The following PITPNC1 variants were observed in gnomAD, a reference collection of about 807,000 sequenced individuals.
PITPNC1 encodes phosphatidylinositol transfer protein cytoplasmic 1.
PITPNC1 carries 18 observed loss-of-function variants against 44.7 expected under a neutral mutation model. The observed-to-expected ratio is 0.40, with a 90% CI of 0.28 to 0.60. The LOEUF is 0.60. PITPNC1 is among the 20% of genes least tolerant of loss of function. The pLI, the probability that PITPNC1 is intolerant of heterozygous loss-of-function variation, is 0.39. For synonymous variants in PITPNC1, 141 were observed against 149.6 expected, an observed-to-expected ratio of 0.94 and a Z score of 0.42; for missense variants, 290 against 418.4, an observed-to-expected ratio of 0.69 and a Z score of 2.68.
intron 6 of PITPNC1, among the ~76,000 whole-genome samples, chr17:67,640,588 G>A (rs2042081918): frequency 1.3e-5 from 2 of 150,638 alleles, no homozygotes; most frequent in East Asian, 2.0e-4. Flanking sequence ...GCTGAGGCAG[G>A]AGAATCACTT....
rs1249032566 is a variant in PITPNC1, at chr17:67,599,042, T to A, written c.366+20785T>A. Among the ~76,000 whole-genome samples the A allele has an allele frequency of 1.2e-3, 87 of 74,668 alleles. 1 individual carries two copies. Among genetic ancestry groups the A allele is most frequent in the African/African-American group, 1.8e-3 (43 of 23,720 alleles). 49.0% of individuals were successfully genotyped at this position (74,668 alleles called of 152,430 possible). A position where few individuals can be genotyped will look rare whatever the true frequency, so the allele number is the denominator to read the frequency against. ...TATATATATATATATATATTTTTTT[T>A]TTTTTTTTTTTTACCATGTTGGCCA... is the stretch of plus-strand genomic sequence containing the variant. On this transcript the variant is annotated intron_variant, in intron 5 of 8. Coordinates refer to ENST00000581322, the MANE Select transcript of PITPNC1 (RefSeq NM_012417.4).
chr17:67,500,162 GTC>G (rs1331713609), intron 1 of PITPNC1, among the ~76,000 whole-genome samples: 1 of 152,128 alleles, frequency 6.6e-6, no homozygotes, highest in African/African-American at 2.4e-5. Context: ...TTGCATTTCT[GTC>G]TCTGTTTCTT....
At chr17:67,608,243 AAAAC>A (rs1305063149) in intron 5 of PITPNC1, among the ~76,000 whole-genome samples, 2 of 145,708 alleles carry the variant, frequency 1.4e-5, no homozygotes, top group Non-Finnish European at 3.0e-5. Context: ...TTAAAAAAAA[AAAAC>A]AAAAAAAAAC....
intron 1 of PITPNC1, among the ~76,000 whole-genome samples, chr17:67,507,459 C>A (rs1214028491): frequency 6.6e-6 from 1 of 151,894 alleles, no homozygotes; most frequent in Non-Finnish European, 1.5e-5. Flanking sequence ...TAGAGGTAGG[C>A]GGATCACTTT....
intron 8 of PITPNC1, among the ~76,000 whole-genome samples, chr17:67,682,522 G>A (rs2042730020): frequency 6.6e-6 from 1 of 152,124 alleles, no homozygotes; most frequent in Non-Finnish European, 1.5e-5. Flanking sequence ...GAGCAAGAAA[G>A]AGAAGAAAAG....
At chr17:67,687,026 A>G (rs777092226) in intron 8 of PITPNC1, 1 of 1,132,032 alleles carries the variant, frequency 8.8e-7, no homozygotes, top group Non-Finnish European at 1.3e-6. Flanking sequence ...GAAAGTTTGC[A>G]TCTAATAACG....
rs1201694518 is a variant in PITPNC1, at chr17:67,433,971, G to A, written c.48+55769G>A. Among the ~76,000 whole-genome samples, 5 of 152,254 alleles carry A rather than the reference G, an allele frequency of 3.3e-5. No individual in the cohort carries two copies. In the East Asian group the frequency reaches 5.8e-4, roughly 18 times the overall value. The stretch of plus-strand genomic sequence containing the variant: ...GCTGGCATAGAGGTACAGGCTGGAT[G>A]GGAGGGTGGTCAGGATGGGGCAAGG... On this transcript the variant is annotated intron_variant, in intron 1 of 8. Transcript: ENST00000581322.
intron 1 of PITPNC1, among the ~76,000 whole-genome samples, chr17:67,523,216 T>C (rs1018217518): frequency 1.3e-5 from 2 of 152,200 alleles, no homozygotes; most frequent in Non-Finnish European, 2.9e-5. Context: ...ATAATACTTA[T>C]GGGAAGTAGT....
intron 1 of PITPNC1, among the ~76,000 whole-genome samples, chr17:67,455,607 T>C (rs542940452): frequency 4.8e-5 from 7 of 145,988 alleles, no homozygotes; most frequent in Non-Finnish European, 1.0e-4. Flanking sequence ...TTTTTTTTGT[T>C]TTTTTTGTAT....
rs892370092 is a variant in PITPNC1, at chr17:67,508,732, A to G, written c.49-24070A>G. Among the ~76,000 whole-genome samples the G allele has an allele frequency of 6.6e-6, 1 of 152,142 alleles. No individual in the cohort carries two copies. The highest frequency in any genetic ancestry group is 2.4e-5 in the African/African-American group (1 of 41,422). The stretch of plus-strand genomic sequence containing the variant: ...GTACCTTCAAGAGGCAAATTCATAG[A>G]GTCAGAAGGTAGAATGGTGGTTGCC... On this transcript the variant is annotated intron_variant, in intron 1 of 8. Transcript: ENST00000581322. This position sits in a 1 kb window ranked among gnomAD's most constrained non-coding sequence, Gnocchi z 4.2.
At chr17:67,435,217 C>T (rs2038921385) in intron 1 of PITPNC1, among the ~76,000 whole-genome samples, 1 of 151,754 alleles carries the variant, frequency 6.6e-6, no homozygotes, top group Non-Finnish European at 1.5e-5. Context: ...GTTACTTCAT[C>T]TGTAAAACGG....
intron 1 of PITPNC1, among the ~76,000 whole-genome samples, chr17:67,501,555 G>A (rs1206866213): frequency 6.6e-6 from 1 of 152,146 alleles, no homozygotes; most frequent in Non-Finnish European, 1.5e-5. Flanking sequence ...GGGCTGGCTG[G>A]GTGCGGTGGC....
chr17:67,411,421 T>C (rs2038494537), intron 1 of PITPNC1, among the ~76,000 whole-genome samples: 1 of 151,880 alleles, frequency 6.6e-6, no homozygotes, highest in Non-Finnish European at 1.5e-5. Flanking sequence ...GTAAAGAAAG[T>C]CTCCTAGAAG....
chr17:67,499,851 G>A (rs2040003698), intron 1 of PITPNC1, among the ~76,000 whole-genome samples: 2 of 152,228 alleles, frequency 1.3e-5, no homozygotes, highest in African/African-American at 4.8e-5. Flanking sequence ...AACATTCTAT[G>A]ATGTTTGCAC....
At chr17:67,673,391 T>G (rs1445269354) in intron 7 of PITPNC1, among the ~76,000 whole-genome samples, 3 of 152,064 alleles carry the variant, frequency 2.0e-5, no homozygotes, top group Admixed American at 2.0e-4. Flanking sequence ...GAACAGTATC[T>G]CACACACGCA....
intron 1 of PITPNC1, among the ~76,000 whole-genome samples, chr17:67,459,072 T>C (rs1030158440): frequency 1.1e-4 from 17 of 151,690 alleles, no homozygotes; most frequent in African/African-American, 4.1e-4. Context: ...AGTATTTCTT[T>C]GAAGATCCTA....
At position 67,676,208 on chromosome 17, in the gene PITPNC1, G is replaced by GAA. The variant is rs74446011; in HGVS notation, c.682+679_682+680dup. Among the ~76,000 whole-genome samples, 6 of 126,880 alleles carry GAA rather than the reference G, an allele frequency of 4.7e-5. 1 individual carries two copies. The highest frequency in any genetic ancestry group is 4.6e-4 in the East Asian group (2 of 4,360). The allele number at this position is 126,880 out of a possible 152,430, so 83.2% of individuals were successfully genotyped here. ...GGGGACAGAGCGAGACTCCGTCTCG[G>GAA]AAAAAAAAAAAAAAGAAAGAAAGAA... On this transcript the variant is annotated intron_variant, in intron 8 of 8. Transcript: ENST00000581322. This position sits in a 1 kb window ranked among gnomAD's most constrained non-coding sequence, Gnocchi z 4.0.
At chr17:67,510,635 A>G (rs919318425) in intron 1 of PITPNC1, among the ~76,000 whole-genome samples, 9 of 152,002 alleles carry the variant, frequency 5.9e-5, no homozygotes, top group Non-Finnish European at 1.0e-4. Flanking sequence ...GTCTTGCTCT[A>G]TCACTCAGGC....
chr17:67,475,714 G>T (rs890709076), intron 1 of PITPNC1, among the ~76,000 whole-genome samples: 9 of 152,210 alleles, frequency 5.9e-5, no homozygotes, highest in Non-Finnish European at 1.0e-4. Context: ...GATTAGGGAG[G>T]ACTGGAAGGG....
Sources: gnomAD v4.1 joint callset for allele counts (sites outside exome capture counted in the v4.1 genomes callset) on GRCh38, gnomAD v4.1.1 for gene constraint, Gnocchi (gnomAD v3.1) non-coding constraint, MANE v1.5 for transcripts, NCBI Gene and HGNC (gene_info 2026-07-23, HGNC 2026-07-21) for gene names.